The following GEMIN5 variants were observed in gnomAD, a reference collection of about 807,000 sequenced individuals.
GEMIN5 encodes gem-associated protein 5.
Under a neutral mutation model 176.9 loss-of-function variants are expected in GEMIN5, and 124 were observed. The ratio of observed to expected loss-of-function variants is 0.70; its 90% CI spans 0.61 to 0.81. The LOEUF (loss-of-function observed/expected upper bound fraction) is 0.81. Ranked by LOEUF, GEMIN5 falls within the 40% of genes least tolerant of loss-of-function variation. The pLI is 0.00. For missense variants in GEMIN5, 1,843 were observed against 1,814.6 expected, an observed-to-expected ratio of 1.02 and a Z score of -0.28; for synonymous variants, 673 against 665.2, an observed-to-expected ratio of 1.01 and a Z score of -0.18.
rs1266993003 is a variant in GEMIN5 at position 154,896,258 on chromosome 5, G to A, written c.3431C>T (p.Ser1144Phe). 6.2e-7 allele frequency: 1 copy of A among 1,613,654 alleles called. No homozygotes were observed. The highest frequency in any genetic ancestry group is 8.5e-7 in the Non-Finnish European group (1 of 1,179,802). The part of the protein sequence containing the change: ...KQLSEGKSSS[S>F]YHTWNTGTEG... ...GGTGCCCGTGTTCCAAGTGTGGTAA[G>A]AGGAGGAGCTTTTGCCCTCTGAAAG... The change falls in exon 24 of 28, where the codon TCT becomes TTT. Residue 1144 changes from serine to phenylalanine, a missense_variant. Coordinates refer to ENST00000285873, the MANE Select transcript of GEMIN5 (RefSeq NM_015465.5).
Position 154,901,426 on chromosome 5 carries a change from T to C in GEMIN5, c.2927A>G (p.Asp976Gly), listed in dbSNP as rs1763462429. ...EAFAKQLCFQ[D>G]QYVKAASHLL... is the part of the protein sequence containing the mutation. Reference sequence around the variant, plus strand: ...GTGAGAAGCAGCCTTGACATACTGATCCTGAAAACACAGCTGTTTGGCAAA... The same window carrying C: ...GTGAGAAGCAGCCTTGACATACTGACCCTGAAAACACAGCTGTTTGGCAAA... Residue 976 changes from aspartate (D) to glycine (G), a missense_variant, in exon 21 of 28, where the codon GAT becomes GGT. Asp to Gly is a moderately conservative substitution (Grantham distance 94). Transcript: ENST00000285873. 1 of 1,613,990 alleles carries C rather than the reference T, an allele frequency of 6.2e-7. No individual in the cohort carries two copies. Among genetic ancestry groups the C allele is most frequent in the African/African-American group, 1.3e-5 (1 of 75,046 alleles).
At chr5:154,930,145 T>G (rs1023332340) in intron 5 of GEMIN5, among the ~76,000 whole-genome samples, 13 of 152,174 alleles carry the variant, frequency 8.5e-5, no homozygotes, top group Non-Finnish European at 1.8e-4. Context: ...CCATAACCAT[T>G]TTTCCTGCCA....
At chr5:154,920,152 T>A in intron 10 of GEMIN5, 49 bp from the exon 11 acceptor site, 1 of 1,514,012 alleles carries the variant, frequency 6.6e-7, no homozygotes, top group Non-Finnish European at 9.1e-7. Flanking sequence ...TTCATCAGCT[T>A]AACTATTTGT....
chr5:154,915,986 T>C (rs924646903), intron 13 of GEMIN5, among the ~76,000 whole-genome samples: 1 of 152,158 alleles, frequency 6.6e-6, no homozygotes, highest in African/African-American at 2.4e-5. Context: ...TTGAATGTCA[T>C]TTAATTGTGG....
chr5:154,932,101 G>A lies in GEMIN5; in HGVS notation c.659C>T (p.Ser220Leu). ...ACTTTCCCTTAAACCATCTCTACCT[G>A]AAGTTTCCTCTTGGTTTATAGATAA... ...DCLSINQEETSEEAEITNGNA... is the reference protein window; with the variant it reads ...DCLSINQEETLEEAEITNGNA... Residue 220 changes from serine (S) to leucine (L), a missense_variant and splice_region_variant, in exon 4 of 28, where the codon TCA becomes TTA. Ser to Leu is a moderately radical substitution (Grantham distance 145, BLOSUM62 -2). Transcript: ENST00000285873. 1 of 1,611,750 alleles carries A rather than the reference G, an allele frequency of 6.2e-7. No individual in the cohort carries two copies. Among genetic ancestry groups the A allele is most frequent in the Non-Finnish European group, 8.5e-7 (1 of 1,178,652 alleles).
Position 154,928,791 on chromosome 5 carries a change from T to C in GEMIN5, c.782-132A>G, listed in dbSNP as rs190173822. 3.2e-4 allele frequency: 227 copies of C among 710,834 alleles called. No individual in the cohort carries two copies. The African/African-American group carries it at 3.6e-3, about 11-fold the overall frequency. The allele number at this position is 710,834 out of a possible 1,614,324, so 44.0% of individuals were successfully genotyped here. The stretch of plus-strand genomic sequence containing the variant: ...TTGGCTACTTAGAATTCAGATCTCA[T>C]TTTCCAATGGTTACAATTTTAACCA... On this transcript the variant is annotated intron_variant, in intron 5 of 27. Transcript: ENST00000285873.
intron 5 of GEMIN5, 101 bp from the exon 6 acceptor site, chr5:154,928,760 G>T (rs1764098887): frequency 2.1e-6 from 2 of 974,092 alleles, no homozygotes; most frequent in Non-Finnish European, 3.2e-6. Context: ...GTAAAAGCTT[G>T]TTAGTTTGGC....
chr5:154,911,750 T>A lies in GEMIN5; in HGVS notation c.2144A>T (p.Gln715Leu), dbSNP rs1242138598. 1 of 1,613,904 alleles carries A rather than the reference T, an allele frequency of 6.2e-7. No individual in the cohort carries two copies. The highest frequency in any genetic ancestry group is 8.5e-7 in the Non-Finnish European group (1 of 1,179,912). The change falls in exon 15 of 28, where the codon CAA becomes CTA. Residue 715 changes from glutamine to leucine, a missense_variant. By Grantham distance (113) the Gln-to-Leu change is moderately radical. Transcript: ENST00000285873. ...FCVHKWLTSM[Q>L]DHSRPPQGKK... ...ACCTTGAGGAGGCCGGGAATGATCT[T>A]GCATGGAAGTGAGCCACTTGTGCAC...
intron 3 of GEMIN5, among the ~76,000 whole-genome samples, chr5:154,934,859 A>G (rs1764236189): frequency 6.6e-6 from 1 of 152,194 alleles, no homozygotes; most frequent in Non-Finnish European, 1.5e-5. Context: ...TTCTTTGCAT[A>G]TCCAGTTTCA....
chr5:154,888,062 T>G lies in GEMIN5; in HGVS notation c.*148A>C, dbSNP rs1582644532. 1.2e-5 allele frequency: 9 copies of G among 721,414 alleles called. No homozygotes were observed. 44.7% of individuals were successfully genotyped at this position (721,414 alleles called of 1,614,324 possible). On this transcript the variant is annotated 3_prime_UTR_variant, in exon 28 of 28. Transcript: ENST00000285873. ...CACCGTTGTCTATGGGTAGGCAGGGTTGATTCAAACTTAATCCTTGTTTGT... is the reference window on the plus strand; with the variant it reads ...CACCGTTGTCTATGGGTAGGCAGGGGTGATTCAAACTTAATCCTTGTTTGT...
chr5:154,917,243 T>C (rs1050374900), intron 12 of GEMIN5, 64 bp from the exon 13 acceptor site: 9 of 858,412 alleles, frequency 1.0e-5, no homozygotes, highest in Non-Finnish European at 1.4e-5. Context: ...ACAATGCAAA[T>C]AGTAGCTCCC....
chr5:154,935,125 A>G (rs973049567), intron 3 of GEMIN5, among the ~76,000 whole-genome samples: 1 of 152,192 alleles, frequency 6.6e-6, no homozygotes, highest in Non-Finnish European at 1.5e-5. Context: ...CATCAGCATA[A>G]AAACAGGTCC....
intron 13 of GEMIN5, among the ~76,000 whole-genome samples, 193 bp downstream of exon 13, chr5:154,916,805 T>G (rs1195320732): frequency 6.6e-6 from 1 of 152,110 alleles, no homozygotes. Flanking sequence ...AACTTCATTT[T>G]CTGTTACCAT....
intron 15 of GEMIN5, 137 bp from the exon 16 acceptor site, chr5:154,907,955 T>C (rs1763606175): frequency 4.6e-6 from 3 of 650,520 alleles, no homozygotes; most frequent in African/African-American, 1.8e-5. Context: ...ACTTTTAGAA[T>C]TATATTATCA....
chr5:154,921,085 C>T (rs544915320), intron 10 of GEMIN5, among the ~76,000 whole-genome samples: 11 of 152,088 alleles, frequency 7.2e-5, no homozygotes, highest in Admixed American at 2.0e-4. Context: ...ACTATACATA[C>T]AATGAAAAAT....
chr5:154,928,242 GAA>G (rs1218144101), intron 6 of GEMIN5, among the ~76,000 whole-genome samples: 1 of 152,132 alleles, frequency 6.6e-6, no homozygotes, highest in Non-Finnish European at 1.5e-5. Context: ...CTGAAGCTCA[GAA>G]AAGTAAAGGG....
At chr5:154,924,915 G>A (rs954553160) in intron 8 of GEMIN5, among the ~76,000 whole-genome samples, 1 of 152,042 alleles carries the variant, frequency 6.6e-6, no homozygotes, top group African/African-American at 2.4e-5. Flanking sequence ...CGTGAACCCG[G>A]GAGGCGGAGC....
intron 5 of GEMIN5, among the ~76,000 whole-genome samples, chr5:154,929,620 A>G (rs1436246420): frequency 1.3e-5 from 2 of 152,184 alleles, no homozygotes; most frequent in Non-Finnish European, 2.9e-5. Flanking sequence ...CTGCACAACC[A>G]CAATTGAAGG....
At chr5:154,898,274 C>T (rs1222195649) in intron 23 of GEMIN5, among the ~76,000 whole-genome samples, 166 bp downstream of exon 23, 1 of 152,206 alleles carries the variant, frequency 6.6e-6, no homozygotes, top group Non-Finnish European at 1.5e-5. Context: ...ACTCTGAATA[C>T]GGCAACTAAC....
Sources: allele counts gnomAD v4.1 joint callset (sites outside exome capture counted in the v4.1 genomes callset), GRCh38; gene constraint gnomAD v4.1.1; transcripts MANE v1.5; gene names NCBI Gene and HGNC (gene_info 2026-07-23, HGNC 2026-07-21).